HBS1L: variants seen among roughly 807,000 people sequenced by gnomAD.
HBS1L encodes the protein HBS1-like protein.
Under a neutral mutation model 88.9 loss-of-function variants are expected in HBS1L, and 55 were observed. The observed-to-expected ratio is 0.62, with a 90% CI of 0.50 to 0.77. The LOEUF (loss-of-function observed/expected upper bound fraction) is 0.77. Ranked by LOEUF, HBS1L falls within the 30% of genes least tolerant of loss-of-function variation. HBS1L has a pLI of 0.00. For missense variants in HBS1L, 741 were observed against 829.3 expected (o/e 0.89, Z 1.31); for synonymous variants, 267 against 288.5 (o/e 0.93, Z 0.76).
intron 5 of HBS1L, among the ~76,000 whole-genome samples, chr6:135,001,994 T>TA (rs1235482915): frequency 1.1e-4 from 17 of 151,972 alleles, no homozygotes; most frequent in African/African-American, 4.1e-4. Flanking sequence ...TTGTTTATAG[T>TA]AAAAACCTAT....
chr6:134,966,782 C>A (rs1208874156), intron 16 of HBS1L, among the ~76,000 whole-genome samples: 1 of 151,452 alleles, frequency 6.6e-6, no homozygotes, highest in Non-Finnish European at 1.5e-5. Flanking sequence ...GAAATAAATG[C>A]TTTTTCTTTC....
chr6:135,017,964 C>A, intron 4 of HBS1L, among the ~76,000 whole-genome samples: 1 of 148,724 alleles, frequency 6.7e-6, no homozygotes, highest in African/African-American at 2.5e-5. Context: ...AAACAACATT[C>A]AAGCTTATTT....
chr6:135,050,117 T>C (rs1777034293), intron 2 of HBS1L, among the ~76,000 whole-genome samples: 1 of 152,248 alleles, frequency 6.6e-6, no homozygotes, highest in South Asian at 2.1e-4. Flanking sequence ...AATTCCTCTG[T>C]GGCTCCAAAA....
At chr6:134,997,794 C>G (rs1775335221) in intron 5 of HBS1L, 138 bp from the exon 6 acceptor site, 1 of 785,074 alleles carries the variant, frequency 1.3e-6, no homozygotes, top group Admixed American at 2.2e-5. Context: ...TAGCTAAAGT[C>G]TGTTAAGGTG....
rs541376086 is a variant in HBS1L, at chr6:135,000,642, C to CT, written c.539+2091dup. 5.5e-3 allele frequency among the ~76,000 whole-genome samples: 806 copies of CT among 146,208 alleles called. 3 individuals carry two copies. Among genetic ancestry groups the CT allele is most frequent in the African/African-American group, 0.018 (736 of 40,114 alleles). The stretch of plus-strand genomic sequence containing the variant: ...TCCAAGCAATGCATTATGCACTATC[C>CT]TTTTTTTTTTTCTTCCAAATAGAGA... On this transcript the variant is annotated intron_variant, in intron 5 of 17. Coordinates refer to ENST00000367837, the MANE Select transcript of HBS1L (RefSeq NM_006620.4).
At position 135,039,723 on chromosome 6, in the gene HBS1L, C is replaced by T. The variant is rs561684126; in HGVS notation, c.280G>A (p.Asp94Asn). The T allele has an allele frequency of 5.0e-5, 80 of 1,613,920 alleles. No individual in the cohort carries two copies. In the South Asian group the frequency reaches 7.8e-4, roughly 16 times the overall value. The change falls in exon 4 of 18, where the codon GAT becomes AAT. Residue 94 changes from aspartate (D) to asparagine (N), a missense_variant. By Grantham distance (23) the Asp-to-Asn change is conservative. Around this residue, in one of 3 missense-constraint regions of HBS1L, gnomAD observed 556 missense variants for 598.4 expected, o/e 0.93. Coordinates refer to ENST00000367837, the MANE Select transcript of HBS1L (RefSeq NM_006620.4). ...ATTAATATTTCATCTGGCACAGCAT[C>T]TCCAAGTACCTCTCTCATGTGATCA... The part of the protein sequence containing the change: ...CLDHMREVLG[D>N]AVPDEILIEA...
chr6:134,990,462 C>T (rs909019564), intron 8 of HBS1L, among the ~76,000 whole-genome samples: 64 of 152,224 alleles, frequency 4.2e-4, no homozygotes, highest in Admixed American at 1.0e-3. Context: ...TTTGCACACT[C>T]GGCAAGTTAC....
intron 7 of HBS1L, among the ~76,000 whole-genome samples, chr6:134,996,099 T>A (rs184513386): frequency 5.5e-4 from 83 of 152,278 alleles, no homozygotes; most frequent in Non-Finnish European, 7.9e-4. Context: ...TTTGACACAG[T>A]TGATATATCT....
At chr6:135,025,194 T>C (rs542616390) in intron 4 of HBS1L, among the ~76,000 whole-genome samples, 10 of 152,072 alleles carry the variant, frequency 6.6e-5, no homozygotes, top group Non-Finnish European at 1.3e-4. Flanking sequence ...AACAGAAAAC[T>C]GTACTTTCAA....
chr6:135,036,548 C>T (rs1250843876), intron 4 of HBS1L: 2 of 1,449,128 alleles, frequency 1.4e-6, no homozygotes, highest in Admixed American at 3.0e-5. Context: ...ATCAAGTTTT[C>T]CTTTTGTTAC....
At chr6:135,053,446 G>A (rs1777149461) in intron 1 of HBS1L, among the ~76,000 whole-genome samples, 1 of 152,132 alleles carries the variant, frequency 6.6e-6, no homozygotes, top group Non-Finnish European at 1.5e-5. Context: ...ATAATAAATA[G>A]GCCTATTCAT....
chr6:135,051,525 G>C (rs1229480576), intron 1 of HBS1L, among the ~76,000 whole-genome samples: 1 of 152,054 alleles, frequency 6.6e-6, no homozygotes, highest in Non-Finnish European at 1.5e-5. Flanking sequence ...ATTTCTTTCT[G>C]CTAGTTAAGG....
Position 134,969,330 on chromosome 6 carries a change from T to C in HBS1L, c.1806A>G (p.Leu602=). 1 of 1,608,394 alleles carries C rather than the reference T, an allele frequency of 6.2e-7. No homozygotes were observed. Among genetic ancestry groups the C allele is most frequent in the Non-Finnish European group, 8.5e-7 (1 of 1,175,032 alleles). ...IPITKGFPVL[L]HYQTVSEPAV... is the part of the protein sequence containing the mutation. Reference sequence around the variant, plus strand: ...CGGGTTCACTGACAGTTTGGTAGTGTAACAGCACCTAAAACAAAAAATTAT... The same window carrying C: ...CGGGTTCACTGACAGTTTGGTAGTGCAACAGCACCTAAAACAAAAAATTAT... The change falls in exon 16 of 18, where the codon TTA becomes TTG. Residue 602 remains leucine (L), a synonymous_variant. Coordinates refer to ENST00000367837, the MANE Select transcript of HBS1L (RefSeq NM_006620.4).
chr6:135,024,163 G>A (rs570812008), intron 4 of HBS1L, among the ~76,000 whole-genome samples: 87 of 152,062 alleles, frequency 5.7e-4, no homozygotes, highest in Middle Eastern at 3.4e-3. Flanking sequence ...ATGATGGGCC[G>A]GGCACAGTGG....
chr6:134,966,663 A>G lies in HBS1L; in HGVS notation c.1899-190T>C, dbSNP rs549882972. Among the ~76,000 whole-genome samples the G allele has an allele frequency of 3.4e-5, 5 of 147,614 alleles. No individual in the cohort carries two copies. In the East Asian group the frequency reaches 9.6e-4, roughly 28 times the overall value. ...GCTTTAGTTGAAAGAAATGAGGAGT[A>G]ATTCTAGATTTAAGAAACATTAGGT... On this transcript the variant is annotated intron_variant, in intron 16 of 17. Coordinates refer to ENST00000367837, the MANE Select transcript of HBS1L (RefSeq NM_006620.4).
chr6:135,054,642 C>T lies in HBS1L; in HGVS notation c.43+7G>A. 6.2e-7 allele frequency: 1 copy of T among 1,614,232 alleles called. No individual in the cohort carries two copies. The highest frequency in any genetic ancestry group is 8.5e-7 in the Non-Finnish European group (1 of 1,180,026). ...AAAGAACGTCCCGGCATGACCCTGC[C>T]ACCTACCTTCATCGTAGTTATAGCC... On this transcript the variant is annotated splice_region_variant and intron_variant, in intron 1 of 17. Transcript: ENST00000367837.
intron 4 of HBS1L, among the ~76,000 whole-genome samples, chr6:135,029,814 T>C (rs900796209): frequency 3.9e-5 from 6 of 152,206 alleles, no homozygotes; most frequent in Non-Finnish European, 8.8e-5. Flanking sequence ...AAGAATGACA[T>C]TGATCTGTAT....
intron 4 of HBS1L, among the ~76,000 whole-genome samples, chr6:135,005,394 C>A (rs1205033014): frequency 1.3e-5 from 2 of 152,140 alleles, no homozygotes; most frequent in Non-Finnish European, 2.9e-5. Flanking sequence ...CACTTCAGGG[C>A]AGAAACGGCA....
chr6:135,035,005 T>C (rs958888768), intron 4 of HBS1L, among the ~76,000 whole-genome samples: 1 of 152,234 alleles, frequency 6.6e-6, no homozygotes, highest in Admixed American at 6.5e-5. Flanking sequence ...TTCTGATTGC[T>C]AGTTGAGAAC....
Sources: gnomAD v4.1 joint callset for allele counts (sites outside exome capture counted in the v4.1 genomes callset) on GRCh38, gnomAD v4.1.1 for gene constraint, gnomAD v4.1.1 regional missense constraint, MANE v1.5 for transcripts, NCBI Gene and HGNC (gene_info 2026-07-23, HGNC 2026-07-21) for gene names.